Variants in ZNF436 observed in about 807,000 individuals in gnomAD.
ZNF436 encodes DNA-binding protein.
ZNF436 carries 22 observed loss-of-function variants against 41.9 expected under a neutral mutation model. The observed-to-expected ratio is 0.53, with a 90% CI of 0.38 to 0.75. The LOEUF is 0.75. Ranked by LOEUF, ZNF436 falls within the 30% of genes least tolerant of loss-of-function variation. The pLI, the probability that ZNF436 is intolerant of heterozygous loss-of-function variation, is 0.00. For synonymous variants in ZNF436, 217 were observed against 197.8 expected (o/e 1.10, Z -0.82); for missense variants, 506 against 587.3 (o/e 0.86, Z 1.43).
chr1:23,363,341 T>C (rs982242609), intron 3 of ZNF436, 120 bp from the exon 4 acceptor site: 2 of 775,272 alleles, frequency 2.6e-6, no homozygotes, highest in Non-Finnish European at 4.0e-6. Context: ...TTGGCTGGAG[T>C]GCAGTGGTGT....
In ZNF436 at chr1:23,359,886, A is replaced by T. The variant is rs1339312717; in HGVS notation, c.*2083T>A. 1 of 152,734 alleles carries T rather than the reference A, an allele frequency of 6.5e-6. No individual in the cohort carries two copies. The highest frequency in any genetic ancestry group is 1.5e-5 in the Non-Finnish European group (1 of 68,102). The allele number at this position is 152,734 out of a possible 1,614,324, so 9.5% of individuals were successfully genotyped here. On this transcript the variant is annotated 3_prime_UTR_variant, in exon 4 of 4. Coordinates refer to ENST00000314011, the MANE Select transcript of ZNF436 (RefSeq NM_001077195.2). ...TGGGGTGGGGCAAGAACAGTAGGGA[A>T]GGAAAAGGGGGTGAAATACAGTTAG...
In ZNF436 at chr1:23,359,971, A is replaced by T. The variant is rs1646983289; in HGVS notation, c.*1998T>A. 6.6e-6 allele frequency: 1 copy of T among 152,656 alleles called. No individual in the cohort carries two copies. Among genetic ancestry groups the T allele is most frequent in the African/African-American group, 2.4e-5 (1 of 41,448 alleles). The allele number at this position is 152,656 out of a possible 1,614,324, so 9.5% of individuals were successfully genotyped here. On this transcript the variant is annotated 3_prime_UTR_variant, in exon 4 of 4. Transcript: ENST00000314011. ...AGCTGATACCCATAGTGGCTCACAG[A>T]AGCAACAGGAGAACTTTGACATTTA...
Position 23,362,564 on chromosome 1 carries a change from G to T in ZNF436, c.818C>A (p.Thr273Lys). 6.2e-7 allele frequency: 1 copy of T among 1,613,952 alleles called. No homozygotes were observed. Among genetic ancestry groups the T allele is most frequent in the South Asian group, 1.1e-5 (1 of 91,040 alleles). The part of the protein sequence containing the change: ...SHLAQHQRTH[T>K]GEKPYECNEC... The stretch of plus-strand genomic sequence containing the variant: ...GTTACATTCATAAGGTTTCTCACCC[G>T]TGTGGGTCCTCTGGTGCTGAGCTAG... The change falls in exon 4 of 4, where the codon ACG becomes AAG. Residue 273 changes from threonine (T) to lysine (K), a missense_variant. Around this residue, in one of 2 missense-constraint regions of ZNF436, gnomAD observed 278 missense variants for 372.1 expected, o/e 0.75. Coordinates refer to ENST00000314011, the MANE Select transcript of ZNF436 (RefSeq NM_001077195.2).
chr1:23,367,456 GTTCCTC>G (rs1485438364), intron 2 of ZNF436, among the ~76,000 whole-genome samples: 1 of 152,132 alleles, frequency 6.6e-6, no homozygotes, highest in East Asian at 1.9e-4. Context: ...TACTCATAAT[GTTCCTC>G]TTTTCCTGGA....
At position 23,369,771 on chromosome 1, in the gene ZNF436, A is replaced by C. The variant is rs1255487117; in HGVS notation, c.-466T>G. ...GGGAATTAGACAATGGAAGTCGAGC[A>C]CTGGGGAAAGCAGGCATTCTGCGTG... On this transcript the variant is annotated 5_prime_UTR_variant, in exon 1 of 4. Transcript: ENST00000314011. The C allele has an allele frequency of 1.5e-5, 5 of 343,430 alleles. No homozygotes were observed. The Admixed American group carries it at 2.0e-4, about 14-fold the overall frequency. The allele number at this position is 343,430 out of a possible 1,614,324, so 21.3% of individuals were successfully genotyped here. A position where few individuals can be genotyped will look rare whatever the true frequency, so the allele number is the denominator to read the frequency against.
intron 1 of ZNF436, 195 bp downstream of exon 1, chr1:23,369,171 G>A (rs1434350979): frequency 1.0e-5 from 4 of 385,426 alleles, no homozygotes; most frequent in Non-Finnish European, 2.1e-5. Flanking sequence ...AGATAGCCAG[G>A]CCCCTGCGGG....
rs1255174114 is a variant in ZNF436 at position 23,361,793 on chromosome 1, T to C, written c.*176A>G. The stretch of plus-strand genomic sequence containing the variant: ...ATAAAAATCACCATTTTGGAGGAGA[T>C]AACATTCCCAAAGCTGAGGGTCAGA... On this transcript the variant is annotated 3_prime_UTR_variant, in exon 4 of 4. Coordinates refer to ENST00000314011, the MANE Select transcript of ZNF436 (RefSeq NM_001077195.2). The C allele has an allele frequency of 1.6e-6, 1 of 612,984 alleles. No individual in the cohort carries two copies. The highest frequency in any genetic ancestry group is 3.5e-5 in the Admixed American group (1 of 28,822). 38.0% of individuals were successfully genotyped at this position (612,984 alleles called of 1,614,324 possible). A position where few individuals can be genotyped will look rare whatever the true frequency, so the allele number is the denominator to read the frequency against.
Position 23,369,826 on chromosome 1 carries a change from G to C in ZNF436, c.-521C>G, listed in dbSNP as rs1179395768. 8 of 314,636 alleles carry C rather than the reference G, an allele frequency of 2.5e-5. No homozygotes were observed. The highest frequency in any genetic ancestry group is 1.2e-3 in the Middle Eastern group (1 of 826). 19.5% of individuals were successfully genotyped at this position (314,636 alleles called of 1,614,324 possible). A position where few individuals can be genotyped will look rare whatever the true frequency, so the allele number is the denominator to read the frequency against. Reference sequence around the variant, plus strand: ...AGAGCTCCCAGCTCGCTGTAGCCTTGGAGAGGGAAGTGATGGAAAAAGAAT... The same window carrying C: ...AGAGCTCCCAGCTCGCTGTAGCCTTCGAGAGGGAAGTGATGGAAAAAGAAT... On this transcript the variant is annotated 5_prime_UTR_variant, in exon 1 of 4. Transcript: ENST00000314011.
In ZNF436 at chr1:23,361,806, G is replaced by T; in HGVS notation, c.*163C>A. 1 of 694,598 alleles carries T rather than the reference G, an allele frequency of 1.4e-6. No homozygotes were observed. The highest frequency in any genetic ancestry group is 2.9e-5 in the East Asian group (1 of 34,742). The allele number at this position is 694,598 out of a possible 1,614,324, so 43.0% of individuals were successfully genotyped here. ...TTTTGGAGGAGATAACATTCCCAAAGCTGAGGGTCAGAATTTCAAATGGCT... is the reference window on the plus strand; with the variant it reads ...TTTTGGAGGAGATAACATTCCCAAATCTGAGGGTCAGAATTTCAAATGGCT... On this transcript the variant is annotated 3_prime_UTR_variant, in exon 4 of 4. Coordinates refer to ENST00000314011, the MANE Select transcript of ZNF436 (RefSeq NM_001077195.2).
At chr1:23,368,173 C>G in intron 1 of ZNF436, 108 bp from the exon 2 acceptor site, 1 of 692,032 alleles carries the variant, frequency 1.4e-6, no homozygotes, top group Non-Finnish European at 2.4e-6. Flanking sequence ...TGGACCAGGG[C>G]CGGGTCACTC....
In ZNF436 at chr1:23,362,722, C is replaced by T. The variant is rs771398203; in HGVS notation, c.660G>A (p.Lys220=). ...IQHQTIHTGE[K]PHKCNECGKS... ...TTCCACACTCATTACATTTGTGAGGCTTCTCTCCAGTGTGGATTGTCTGAT... is the reference window on the plus strand; with the variant it reads ...TTCCACACTCATTACATTTGTGAGGTTTCTCTCCAGTGTGGATTGTCTGAT... The change falls in exon 4 of 4, where the codon AAG becomes AAA. Residue 220 remains lysine (K), a synonymous_variant. Transcript: ENST00000314011. The T allele has an allele frequency of 1.2e-6, 2 of 1,614,202 alleles. No homozygotes were observed. Among genetic ancestry groups the T allele is most frequent in the Middle Eastern group, 1.6e-4 (1 of 6,062 alleles).
Position 23,363,054 on chromosome 1 carries a change from T to G in ZNF436, c.328A>C (p.Thr110Pro). 1 of 1,614,196 alleles carries G rather than the reference T, an allele frequency of 6.2e-7. No individual in the cohort carries two copies. ...GGATAGCTTACCCACTCTTCTGCTG[T>G]TAAATCTCCCCATTGTCTTTCTGAC... ...DRSERQWGDL[T>P]AEEWVSYPLQ... The change falls in exon 4 of 4, where the codon ACA (threonine) becomes CCA (proline). Residue 110 changes from threonine to proline, a missense_variant. By Grantham distance (38) the Thr-to-Pro change is conservative. Transcript: ENST00000314011.
rs1426815417 is a variant in ZNF436 at position 23,360,391 on chromosome 1, G to A, written c.*1578C>T. ...AAAGCACAGTAGAAATAAACTGGGGGTACTCTCAAAAGAAAAGATATTCCT... is the reference window on the plus strand; with the variant it reads ...AAAGCACAGTAGAAATAAACTGGGGATACTCTCAAAAGAAAAGATATTCCT... On this transcript the variant is annotated 3_prime_UTR_variant, in exon 4 of 4. Transcript: ENST00000314011. 6.6e-6 allele frequency: 1 copy of A among 152,124 alleles called. No individual in the cohort carries two copies. The highest frequency in any genetic ancestry group is 1.5e-5 in the Non-Finnish European group (1 of 68,012). 9.4% of individuals were successfully genotyped at this position (152,124 alleles called of 1,614,324 possible).
At position 23,362,217 on chromosome 1, in the gene ZNF436, G is replaced by A; in HGVS notation, c.1165C>T (p.Pro389Ser). 6.2e-7 allele frequency: 1 copy of A among 1,614,042 alleles called. No homozygotes were observed. The highest frequency in any genetic ancestry group is 8.5e-7 in the Non-Finnish European group (1 of 1,180,018). The stretch of plus-strand genomic sequence containing the variant: ...CGCCAACACTCATTACACTCATAAG[G>A]CTTCTCTCCAGTGTGAATTTTCTGG... ...THQKIHTGEK[P>S]YECNECWRSF... Residue 389 changes from proline (P) to serine (S), a missense_variant, in exon 4 of 4, where the codon CCT (proline) becomes TCT (serine). Coordinates refer to ENST00000314011, the MANE Select transcript of ZNF436 (RefSeq NM_001077195.2).
intron 3 of ZNF436, among the ~76,000 whole-genome samples, chr1:23,366,462 C>T (rs1232326874): frequency 1.3e-5 from 2 of 151,944 alleles, no homozygotes; most frequent in African/African-American, 4.8e-5. Flanking sequence ...GGCTTGCAGA[C>T]CATGAAAAAA....
At chr1:23,366,127 T>C (rs1195926184) in intron 3 of ZNF436, among the ~76,000 whole-genome samples, 1 of 152,192 alleles carries the variant, frequency 6.6e-6, no homozygotes, top group Non-Finnish European at 1.5e-5. Context: ...CAGACTGCAA[T>C]AGATCTGGAT....
Position 23,359,483 on chromosome 1 carries a change from TG to T in ZNF436, c.*2485del, listed in dbSNP as rs1476209704. The T allele has an allele frequency of 2.0e-5, 3 of 152,222 alleles. No homozygotes were observed. The highest frequency in any genetic ancestry group is 4.4e-5 in the Non-Finnish European group (3 of 68,038). The allele number at this position is 152,222 out of a possible 1,614,324, so 9.4% of individuals were successfully genotyped here. On this transcript the variant is annotated 3_prime_UTR_variant, in exon 4 of 4. Coordinates refer to ENST00000314011, the MANE Select transcript of ZNF436 (RefSeq NM_001077195.2). The stretch of plus-strand genomic sequence containing the variant: ...AATTATATTTTTAATTATAGAATAT[TG>T]TTAGAATAATACAAACACTAGGATA...
intron 2 of ZNF436, 80 bp from the exon 3 acceptor site, chr1:23,367,248 G>A: frequency 3.5e-6 from 5 of 1,438,446 alleles, no homozygotes; most frequent in Non-Finnish European, 2.8e-6. Context: ...ATATTCAGGA[G>A]GAAAAATATA....
At chr1:23,367,278 T>C (rs1028275454) in intron 2 of ZNF436, 110 bp from the exon 3 acceptor site, 17 of 1,238,192 alleles carry the variant, frequency 1.4e-5, no homozygotes, top group Non-Finnish European at 1.5e-5. Flanking sequence ...ACCTATAGAG[T>C]CCAAATAAGA....
Sources: gnomAD v4.1 joint callset for allele counts (sites outside exome capture counted in the v4.1 genomes callset) on GRCh38, gnomAD v4.1.1 for gene constraint, gnomAD v4.1.1 regional missense constraint, MANE v1.5 for transcripts, NCBI Gene and HGNC (gene_info 2026-07-23, HGNC 2026-07-21) for gene names.